Variants in CCDC15 observed in about 807,000 individuals in gnomAD.
The protein encoded by CCDC15 is coiled-coil domain-containing protein 15.
A neutral mutation model predicts 114.5 loss-of-function variants in CCDC15; 105 were observed. The observed-to-expected ratio is 0.92, with a 90% CI of 0.78 to 1.08. The LOEUF is 1.08. Among genes scored for constraint, CCDC15 ranks in the 50% least tolerant of loss-of-function variants. The probability of loss-of-function intolerance (pLI) is 0.00; values close to 1 mark genes in which losing one functional copy is unlikely to be tolerated. For missense variants in CCDC15, 1,105 were observed against 1,093.6 expected (o/e 1.01, Z -0.15); for synonymous variants, 334 against 377.8 (o/e 0.88, Z 1.34).
intron 8 of CCDC15, among the ~76,000 whole-genome samples, chr11:124,989,573 C>G (rs1948235423): frequency 6.6e-6 from 1 of 152,214 alleles, no homozygotes; most frequent in Non-Finnish European, 1.5e-5. Flanking sequence ...TAGTCATCTT[C>G]TTCCAATATA....
chr11:124,987,126 G>T lies in CCDC15; in HGVS notation c.901-1G>T. The T allele has an allele frequency of 6.6e-7, 1 of 1,503,956 alleles. No homozygotes were observed. Among genetic ancestry groups the T allele is most frequent in the South Asian group, 1.4e-5 (1 of 70,500 alleles). The allele number at this position is 1,503,956 out of a possible 1,614,324, so 93.2% of individuals were successfully genotyped here. Reference sequence around the variant, plus strand: ...TATTTGGTGTTTATGTTCACTTTTAGAAAGTAAAATTCAAAAATCCATTAT... The same window carrying T: ...TATTTGGTGTTTATGTTCACTTTTATAAAGTAAAATTCAAAAATCCATTAT... On this transcript the variant is annotated splice_acceptor_variant, in intron 7 of 15. Coordinates refer to ENST00000344762, the MANE Select transcript of CCDC15 (RefSeq NM_025004.3). LOFTEE classifies it high-confidence loss of function.
At chr11:124,986,718 C>CGCGA in intron 6 of CCDC15, 24 bp from the exon 7 acceptor site, 1 of 1,529,834 alleles carries the variant, frequency 6.5e-7, no homozygotes, top group Non-Finnish European at 8.8e-7. Context: ...CGCGCGTGCG[C>CGCGA]GTTTTCATTG....
intron 13 of CCDC15, among the ~76,000 whole-genome samples, chr11:125,020,108 G>T (rs1948652381): frequency 6.6e-6 from 1 of 151,848 alleles, no homozygotes. Context: ...CAAGAGAAAG[G>T]TTGAACAGAA....
At chr11:124,979,960 G>C (rs569709388) in intron 6 of CCDC15, among the ~76,000 whole-genome samples, 2 of 152,000 alleles carry the variant, frequency 1.3e-5, no homozygotes, top group Non-Finnish European at 2.9e-5. Context: ...CAAATGCCTC[G>C]TTTGTTGAGG....
At chr11:124,977,763 A>G (rs1467777324) in intron 6 of CCDC15, among the ~76,000 whole-genome samples, 163 bp downstream of exon 6, 1 of 152,124 alleles carries the variant, frequency 6.6e-6, no homozygotes, top group Non-Finnish European at 1.5e-5. Context: ...AAAGTGTACA[A>G]TTCATTGGTT....
chr11:124,991,748 A>C (rs1337283094), intron 9 of CCDC15, among the ~76,000 whole-genome samples, 165 bp downstream of exon 9: 1 of 152,212 alleles, frequency 6.6e-6, no homozygotes, highest in Non-Finnish European at 1.5e-5. Context: ...CAGTGGCACA[A>C]TCTCGACTCA....
At chr11:125,021,109 A>G (rs910780976) in intron 13 of CCDC15, among the ~76,000 whole-genome samples, 1 of 151,938 alleles carries the variant, frequency 6.6e-6, no homozygotes, top group Non-Finnish European at 1.5e-5. Context: ...GGTATTGAGT[A>G]AGAAAAGGAG....
intron 6 of CCDC15, among the ~76,000 whole-genome samples, chr11:124,983,927 T>C (rs1948114624): frequency 6.6e-6 from 1 of 152,104 alleles, no homozygotes; most frequent in Non-Finnish European, 1.5e-5. Context: ...ATGTTCACTC[T>C]GGTGGCAGTG....
chr11:125,017,706 C>T (rs1345671753), intron 13 of CCDC15, among the ~76,000 whole-genome samples: 3 of 152,046 alleles, frequency 2.0e-5, no homozygotes, highest in African/African-American at 7.2e-5. Flanking sequence ...GAATACAACT[C>T]CATGAGTGTT....
At chr11:124,977,341 GT>G (rs1185627316) in intron 5 of CCDC15, 136 bp from the exon 6 acceptor site, 3 of 648,018 alleles carry the variant, frequency 4.6e-6, no homozygotes, top group Admixed American at 7.8e-5. Context: ...TAGAACTCAT[GT>G]TTTTTCCCTT....
rs1947510961 is a variant in CCDC15, at chr11:124,954,374, C to G, written c.-10+4C>G. On this transcript the variant is annotated splice_donor_region_variant and intron_variant, in intron 1 of 15. Coordinates refer to ENST00000344762, the MANE Select transcript of CCDC15 (RefSeq NM_025004.3). ...GGACTCTCGGCTGCAGACACAGGTCCCCGCCCCTCCCTCTTTCTCCGGGTT... is the reference window on the plus strand; with the variant it reads ...GGACTCTCGGCTGCAGACACAGGTCGCCGCCCCTCCCTCTTTCTCCGGGTT... 5.0e-6 allele frequency: 1 copy of G among 199,326 alleles called. No homozygotes were observed. 12.3% of individuals were successfully genotyped at this position (199,326 alleles called of 1,614,324 possible).
intron 11 of CCDC15, 93 bp from the exon 12 acceptor site, chr11:125,003,774 T>C: frequency 3.0e-6 from 2 of 677,390 alleles, no homozygotes; most frequent in Non-Finnish European, 5.0e-6. Flanking sequence ...AGCCCAAGTT[T>C]GCAAAAGAAA....
intron 13 of CCDC15, among the ~76,000 whole-genome samples, chr11:125,034,096 G>T (rs554459374): frequency 6.6e-6 from 1 of 152,172 alleles, no homozygotes; most frequent in African/African-American, 2.4e-5. Flanking sequence ...ACTGCCTCAG[G>T]GGAGGCCATC....
At chr11:124,992,735 C>A in intron 10 of CCDC15, 48 bp downstream of exon 10, 2 of 1,076,974 alleles carry the variant, frequency 1.9e-6, no homozygotes, top group South Asian at 1.4e-5. Context: ...AAAAGGGGAA[C>A]AAGCCTAAAT....
intron 4 of CCDC15, among the ~76,000 whole-genome samples, chr11:124,961,474 T>C (rs892248292): frequency 2.6e-5 from 4 of 152,164 alleles, no homozygotes; most frequent in African/African-American, 7.2e-5. Context: ...GAAGAATTCA[T>C]GGGAGAGATA....
In CCDC15 at chr11:124,987,611, A is replaced by G. The variant is rs1488619082; in HGVS notation, c.1385A>G (p.Asp462Gly). 2 of 1,613,876 alleles carry G rather than the reference A, an allele frequency of 1.2e-6. No homozygotes were observed. The highest frequency in any genetic ancestry group is 2.7e-5 in the African/African-American group (2 of 74,916). ...RDQHVLHKDQDILPKYQDQNF... is the reference protein window; with the variant it reads ...RDQHVLHKDQGILPKYQDQNF... ...CAGCATGTTCTCCACAAAGACCAAG[A>G]TATTCTGCCAAAATATCAGGACCAG... Residue 462 changes from aspartate to glycine, a missense_variant, in exon 8 of 16, where the codon GAT (aspartate) becomes GGT (glycine). Transcript: ENST00000344762.
In CCDC15 at chr11:125,040,743, G is replaced by T; in HGVS notation, c.*32G>T. 6.3e-7 allele frequency: 1 copy of T among 1,595,186 alleles called. No homozygotes were observed. Among genetic ancestry groups the T allele is most frequent in the Non-Finnish European group, 8.6e-7 (1 of 1,168,376 alleles). On this transcript the variant is annotated 3_prime_UTR_variant, in exon 16 of 16. Transcript: ENST00000344762. ...TCTGAAATTAACTGGTAGTATTTTG[G>T]CTTTTACTTAAAATCATCCCTGAGA...
At chr11:124,983,317 A>T (rs1948104489) in intron 6 of CCDC15, among the ~76,000 whole-genome samples, 1 of 152,068 alleles carries the variant, frequency 6.6e-6, no homozygotes, top group South Asian at 2.1e-4. Flanking sequence ...GTTAAGAATT[A>T]TTGTTGGGGA....
chr11:125,029,240 T>A (rs1217501306), intron 13 of CCDC15, among the ~76,000 whole-genome samples: 5 of 152,158 alleles, frequency 3.3e-5, no homozygotes, highest in African/African-American at 1.2e-4. Flanking sequence ...ACACCCAGGA[T>A]CAATACTTTG....
Sources: gnomAD v4.1 joint callset for allele counts (sites outside exome capture counted in the v4.1 genomes callset) on GRCh38, gnomAD v4.1.1 for gene constraint, MANE v1.5 for transcripts, NCBI Gene and HGNC (gene_info 2026-07-23, HGNC 2026-07-21) for gene names.